The following SORCS3 variants were observed in gnomAD, a reference collection of about 807,000 sequenced individuals.
The protein encoded by SORCS3 is VPS10 domain-containing receptor SorCS3.
A neutral mutation model predicts 146.3 loss-of-function variants in SORCS3; 57 were observed. The observed-to-expected ratio is 0.39, with a 90% CI of 0.31 to 0.49. The LOEUF (loss-of-function observed/expected upper bound fraction) is 0.49, where lower values mean the gene tolerates loss of function less well. SORCS3 is among the 20% of genes least tolerant of loss of function. SORCS3 has a pLI of 0.92. For missense variants in SORCS3, 1,341 were observed against 1,575.5 expected (o/e 0.85, Z 2.52); for synonymous variants, 653 against 618.5 (o/e 1.06, Z -0.83).
chr10:105,099,735 C>T (rs1399857884), intron 6 of SORCS3, among the ~76,000 whole-genome samples: 2 of 152,146 alleles, frequency 1.3e-5, no homozygotes, highest in Non-Finnish European at 2.9e-5. Context: ...GAGTCCTGTG[C>T]AACTTTGAGC....
At chr10:104,999,262 A>C (rs547609263) in intron 4 of SORCS3, among the ~76,000 whole-genome samples, 14 of 152,244 alleles carry the variant, frequency 9.2e-5, no homozygotes, top group Admixed American at 8.5e-4. Context: ...TGGTTCATAC[A>C]GAATCTTTGA....
chr10:105,081,784 G>C (rs571406757), intron 5 of SORCS3, among the ~76,000 whole-genome samples: 1 of 152,100 alleles, frequency 6.6e-6, no homozygotes, highest in South Asian at 2.1e-4. Flanking sequence ...AACTCAGAAG[G>C]GCTCCCAATT....
In SORCS3 at chr10:104,863,796, C is replaced by T. The variant is rs12266317; in HGVS notation, c.695+20937C>T. 8.7e-3 allele frequency among the ~76,000 whole-genome samples: 1,332 copies of T among 152,314 alleles called. 20 individuals carry two copies. Among genetic ancestry groups the T allele is most frequent in the African/African-American group, 0.03 (1,256 of 41,572 alleles). On this transcript the variant is annotated intron_variant, in intron 2 of 26. Coordinates refer to ENST00000369701, the MANE Select transcript of SORCS3 (RefSeq NM_014978.3). ...GTTTTCTGCTCTGTAGCATATCTTA[C>T]ATCACAGCTAGATGGTATAGGATGG...
chr10:104,901,318 T>C (rs182838638), intron 2 of SORCS3, among the ~76,000 whole-genome samples: 168 of 152,292 alleles, frequency 1.1e-3, no homozygotes, highest in Admixed American at 8.8e-3. Flanking sequence ...AGTGACCTGG[T>C]CAAGATCACA....
At chr10:105,174,403 C>T (rs1418040717) in intron 13 of SORCS3, among the ~76,000 whole-genome samples, 1 of 152,042 alleles carries the variant, frequency 6.6e-6, no homozygotes, top group East Asian at 1.9e-4. Flanking sequence ...TACAATATAT[C>T]ACCTCAGGAT....
At chr10:105,194,837 A>C (rs1564781645) in intron 14 of SORCS3, among the ~76,000 whole-genome samples, 1 of 152,176 alleles carries the variant, frequency 6.6e-6, no homozygotes, top group African/African-American at 2.4e-5. Context: ...GGCCAGCAAC[A>C]TCAGCATCAC....
At chr10:104,815,791 C>T (rs973651777) in intron 1 of SORCS3, among the ~76,000 whole-genome samples, 1 of 152,152 alleles carries the variant, frequency 6.6e-6, no homozygotes, top group Non-Finnish European at 1.5e-5. Flanking sequence ...TCAGTGGACA[C>T]ATATGTATTA....
At chr10:104,771,764 G>A (rs1311875557) in intron 1 of SORCS3, among the ~76,000 whole-genome samples, 1 of 151,722 alleles carries the variant, frequency 6.6e-6, no homozygotes, top group African/African-American at 2.4e-5. Flanking sequence ...TCTCATGCAT[G>A]CCACTGGTGC....
intron 2 of SORCS3, among the ~76,000 whole-genome samples, chr10:104,877,323 A>AT (rs1293110463): frequency 6.6e-6 from 1 of 151,736 alleles, no homozygotes; most frequent in Non-Finnish European, 1.5e-5. Flanking sequence ...TCCATCTTTC[A>AT]TTGCCCAGCC....
At chr10:104,909,326 G>A (rs1340273557) in intron 2 of SORCS3, among the ~76,000 whole-genome samples, 1 of 152,162 alleles carries the variant, frequency 6.6e-6, no homozygotes, top group East Asian at 1.9e-4. Flanking sequence ...CCTAGCCCAT[G>A]TCAGATGCCG....
chr10:104,790,985 T>C (rs1309860487), intron 1 of SORCS3, among the ~76,000 whole-genome samples: 1 of 152,202 alleles, frequency 6.6e-6, no homozygotes, highest in Non-Finnish European at 1.5e-5. Context: ...CACTTTTTTT[T>C]CTCTCTCTAT....
At chr10:105,140,820 A>G (rs2056090229) in intron 8 of SORCS3, among the ~76,000 whole-genome samples, 1 of 152,092 alleles carries the variant, frequency 6.6e-6, no homozygotes, top group African/African-American at 2.4e-5. Flanking sequence ...CATTTTATCT[A>G]CCCTCTCTCT....
intron 20 of SORCS3, among the ~76,000 whole-genome samples, chr10:105,240,828 G>T (rs1359911915): frequency 6.6e-6 from 1 of 151,802 alleles, no homozygotes; most frequent in Non-Finnish European, 1.5e-5. Flanking sequence ...TCAATCTCCA[G>T]TCCAGTCTCC....
At chr10:104,785,509 C>T (rs2017423623) in intron 1 of SORCS3, among the ~76,000 whole-genome samples, 1 of 145,438 alleles carries the variant, frequency 6.9e-6, no homozygotes, top group African/African-American at 2.6e-5. Flanking sequence ...TATCTGCTGA[C>T]CTTCCCTCCA....
At chr10:105,077,675 C>T (rs1356489246) in intron 5 of SORCS3, among the ~76,000 whole-genome samples, 2 of 152,152 alleles carry the variant, frequency 1.3e-5, no homozygotes, top group Admixed American at 6.5e-5. Flanking sequence ...GTCTCTGCTT[C>T]GCTCTTCTAT....
chr10:105,060,983 T>C (rs1312577765), intron 5 of SORCS3, among the ~76,000 whole-genome samples: 1 of 151,530 alleles, frequency 6.6e-6, no homozygotes, highest in Non-Finnish European at 1.5e-5. Flanking sequence ...ACAATTTAAG[T>C]ATAGAAAATA....
chr10:105,129,249 A>G (rs2055998098), intron 7 of SORCS3, among the ~76,000 whole-genome samples: 1 of 152,052 alleles, frequency 6.6e-6, no homozygotes, highest in African/African-American at 2.4e-5. Context: ...GTATTGGACA[A>G]CCATATAAGC....
chr10:105,221,783 T>C (rs573506318), intron 19 of SORCS3, among the ~76,000 whole-genome samples: 51 of 152,116 alleles, frequency 3.4e-4, no homozygotes, highest in Non-Finnish European at 4.3e-4. Context: ...CGTATAGAAA[T>C]CTCTTCAATT....
chr10:104,846,703 C>T (rs114208269), intron 2 of SORCS3, among the ~76,000 whole-genome samples: 18 of 152,270 alleles, frequency 1.2e-4, no homozygotes, highest in African/African-American at 4.1e-4. Flanking sequence ...TGGTGGTGGC[C>T]AAGGTTATTT....
Sources: allele counts gnomAD v4.1 joint callset (sites outside exome capture counted in the v4.1 genomes callset), GRCh38; gene constraint gnomAD v4.1.1; transcripts MANE v1.5; gene names NCBI Gene and HGNC (gene_info 2026-07-23, HGNC 2026-07-21).